The following PDE1A variants were observed in gnomAD, a reference collection of about 807,000 sequenced individuals.
The protein encoded by PDE1A is dual specificity calcium/calmodulin-dependent 3',5'-cyclic nucleotide phosphodiesterase 1A.
PDE1A carries 35 observed loss-of-function variants against 61.7 expected under a neutral mutation model. The observed-to-expected ratio is 0.57, with a 90% CI of 0.43 to 0.75. The LOEUF (loss-of-function observed/expected upper bound fraction) is 0.75. PDE1A is among the 30% of genes least tolerant of loss of function. PDE1A has a pLI of 0.00. For missense variants in PDE1A, 597 were observed against 630.6 expected, an observed-to-expected ratio of 0.95 and a Z score of 0.57; for synonymous variants, 232 against 213.2, an observed-to-expected ratio of 1.09 and a Z score of -0.77.
At chr2:182,509,776 C>A (rs1366341974) in intron 2 of PDE1A, among the ~76,000 whole-genome samples, 1 of 152,094 alleles carries the variant, frequency 6.6e-6, no homozygotes, top group African/African-American at 2.4e-5. Context: ...TAGTTGATAC[C>A]AAAGTTGTTC....
intron 2 of PDE1A, among the ~76,000 whole-genome samples, chr2:182,474,824 T>C (rs1182283365): frequency 2.6e-5 from 4 of 151,954 alleles, no homozygotes; most frequent in Non-Finnish European, 5.9e-5. Flanking sequence ...TGTAAAGCTC[T>C]ACTTACACAA....
At chr2:182,563,902 G>T in the PDE1A span, among the ~76,000 whole-genome samples, 3 of 151,966 alleles carry the variant, frequency 2.0e-5, no homozygotes, top group African/African-American at 7.3e-5. Flanking sequence ...TTTTCCATTT[G>T]CTTGGTAGAT....
the PDE1A span, among the ~76,000 whole-genome samples, chr2:182,686,988 G>A: frequency 1.3e-5 from 2 of 152,296 alleles, no homozygotes; most frequent in Middle Eastern, 3.4e-3. Flanking sequence ...GGGGAGGGGC[G>A]CCCGCCATTG....
intron 1 of PDE1A, among the ~76,000 whole-genome samples, chr2:182,401,219 CAAAAAG>C (rs1235881659): frequency 6.6e-6 from 1 of 152,014 alleles, no homozygotes; most frequent in African/African-American, 2.4e-5. Flanking sequence ...GGACACGACA[CAAAAAG>C]AAAATTTTTG....
chr2:182,489,645 A>C (rs1445645113), intron 2 of PDE1A, among the ~76,000 whole-genome samples: 3 of 152,216 alleles, frequency 2.0e-5, no homozygotes, highest in African/African-American at 7.2e-5. Context: ...AAAGTCTCTC[A>C]AGCTTTTAGA....
chr2:182,221,025 T>C (rs1435614218), intron 7 of PDE1A, among the ~76,000 whole-genome samples: 1 of 151,980 alleles, frequency 6.6e-6, no homozygotes, highest in East Asian at 1.9e-4. Flanking sequence ...AGTTTTAAAA[T>C]ATAAATTGAA....
intron 1 of PDE1A, among the ~76,000 whole-genome samples, chr2:182,267,382 C>T (rs1333318548): frequency 6.6e-6 from 1 of 151,702 alleles, no homozygotes; most frequent in African/African-American, 2.4e-5. Context: ...AAAATGTAAT[C>T]GCATATAGTT....
the PDE1A span, among the ~76,000 whole-genome samples, chr2:182,572,138 ATTTG>A: frequency 1.3e-5 from 2 of 152,166 alleles, no homozygotes; most frequent in African/African-American, 4.8e-5. Context: ...AATGTTCAAT[ATTTG>A]TTTGTTATTG....
chr2:182,601,636 T>A, the PDE1A span, among the ~76,000 whole-genome samples: 1 of 152,044 alleles, frequency 6.6e-6, no homozygotes, highest in Non-Finnish European at 1.5e-5. Flanking sequence ...GTAGAAGAGC[T>A]CAGAGACCTG....
At chr2:182,682,940 T>C in the PDE1A span, among the ~76,000 whole-genome samples, 165 of 152,252 alleles carry the variant, frequency 1.1e-3, 1 homozygote, top group South Asian at 0.012. Flanking sequence ...TACTCCTCCA[T>C]AGGGTAGCCC....
At chr2:182,364,497 A>AAAAAAAAAAAAAAAC in intron 1 of PDE1A, among the ~76,000 whole-genome samples, 3 of 146,202 alleles carry the variant, frequency 2.1e-5, no homozygotes, top group Admixed American at 1.4e-4. Flanking sequence ...AAAAAAAAAA[A>AAAAAAAAAAAAAAAC]AACCTTATTC....
At chr2:182,177,500 C>G (rs949800079) in intron 13 of PDE1A, among the ~76,000 whole-genome samples, 5 of 152,064 alleles carry the variant, frequency 3.3e-5, no homozygotes, top group African/African-American at 1.2e-4. Flanking sequence ...TTCTCCAACA[C>G]CATTTATTAA....
the PDE1A span, among the ~76,000 whole-genome samples, chr2:182,605,067 T>A: frequency 6.6e-6 from 1 of 150,984 alleles, no homozygotes; most frequent in African/African-American, 2.4e-5. Context: ...TGTTCCTTGG[T>A]GGATATTTTT....
chr2:182,273,052 T>C (rs1468475047), intron 1 of PDE1A, among the ~76,000 whole-genome samples: 1 of 152,066 alleles, frequency 6.6e-6, no homozygotes, highest in African/African-American at 2.4e-5. Context: ...AAGTCTGAAA[T>C]TGATAAATCA....
At chr2:182,697,438 T>A in the PDE1A span, among the ~76,000 whole-genome samples, 4 of 152,196 alleles carry the variant, frequency 2.6e-5, no homozygotes, top group Non-Finnish European at 4.4e-5. Context: ...GAATCCTAGA[T>A]CTCTTCCTCA....
Position 182,446,732 on chromosome 2 carries a change from C to T in PDE1A, c.101+75544G>A, listed in dbSNP as rs140664559. 3.5e-4 allele frequency among the ~76,000 whole-genome samples: 54 copies of T among 152,158 alleles called. No individual in the cohort carries two copies. The East Asian group carries it at 9.5e-3, about 27-fold the overall frequency. Reference sequence around the variant, plus strand: ...TTAAATATTAAGTTTATGTGCCCTTCAATGATTAAGCAGCCTTCTCTGGTA... The same window carrying T: ...TTAAATATTAAGTTTATGTGCCCTTTAATGATTAAGCAGCCTTCTCTGGTA... On this transcript the variant is annotated intron_variant, in intron 2 of 14. Coordinates refer to the PDE1A transcript ENST00000410103.
chr2:182,146,016 A>G (rs986756864), downstream of PDE1A, among the ~76,000 whole-genome samples: 4 of 152,126 alleles, frequency 2.6e-5, no homozygotes, highest in Admixed American at 6.5e-5. Flanking sequence ...CACCACCCCC[A>G]TAACAGGATG....
chr2:182,447,686 T>C (rs74575794), intron 2 of PDE1A, among the ~76,000 whole-genome samples: 26,998 of 152,028 alleles, frequency 0.18, 2,819 homozygotes, highest in Middle Eastern at 0.36. Flanking sequence ...CAACCATAAA[T>C]CTATCTATAC....
At chr2:182,358,044 G>C (rs1364993564) in intron 1 of PDE1A, among the ~76,000 whole-genome samples, 1 of 152,100 alleles carries the variant, frequency 6.6e-6, no homozygotes, top group East Asian at 1.9e-4. Context: ...CTCTTGGTTG[G>C]CTCTCAACCA....
Sources: gnomAD v4.1 joint callset for allele counts (sites outside exome capture counted in the v4.1 genomes callset) on GRCh38, gnomAD v4.1.1 for gene constraint, MANE v1.5 for transcripts, NCBI Gene and HGNC (gene_info 2026-07-23, HGNC 2026-07-21) for gene names.